The following RFC5 variants were observed in gnomAD, a reference collection of about 807,000 sequenced individuals.
RFC5 encodes A1 36 kDa subunit.
A neutral mutation model predicts 44.3 loss-of-function variants in RFC5; 26 were observed. That is an observed-to-expected ratio of 0.59 (90% CI 0.43 to 0.81). The LOEUF is 0.81. RFC5 is among the 40% of genes least tolerant of loss of function. The pLI, the probability that RFC5 is intolerant of heterozygous loss-of-function variation, is 0.00. For synonymous variants in RFC5, 155 were observed against 155.2 expected, an observed-to-expected ratio of 1.00 and a Z score of 0.01; for missense variants, 328 against 418.6, an observed-to-expected ratio of 0.78 and a Z score of 1.89.
chr12:118,034,114 A>C, downstream of RFC5: 1 of 1,552,072 alleles, frequency 6.4e-7, no homozygotes, highest in East Asian at 2.3e-5. Flanking sequence ...ATGCAAGACC[A>C]GATGTTTGGC....
Position 118,019,574 on chromosome 12 carries a change from G to A in RFC5, c.131-58G>A. On this transcript the variant is annotated intron_variant, in intron 2 of 10. Transcript: ENST00000454402. This position sits in a 1 kb window ranked among gnomAD's most constrained non-coding sequence, Gnocchi z 4.2. ...GCTTTCAGCCCAACTCAGGAGCCCA[G>A]GGTGAATGAGGCAGCTCCCAAAGAC... 1 of 1,605,254 alleles carries A rather than the reference G, an allele frequency of 6.2e-7. No homozygotes were observed. The highest frequency in any genetic ancestry group is 8.5e-7 in the Non-Finnish European group (1 of 1,174,002).
downstream of RFC5, chr12:118,035,850 C>G (rs2031497836): frequency 6.1e-6 from 1 of 163,616 alleles, no homozygotes; most frequent in African/African-American, 2.4e-5. Flanking sequence ...CCACCTGAAT[C>G]AGGAGACTGG....
At chr12:118,034,243 G>C (rs1329935548), downstream of RFC5, 94 of 1,614,094 alleles carry the variant, frequency 5.8e-5, no homozygotes, top group Non-Finnish European at 7.9e-5. Flanking sequence ...TTGGGGATTG[G>C]CAGTGCTAGG....
intron 4 of RFC5, among the ~76,000 whole-genome samples, chr12:118,021,228 T>A (rs148729220): frequency 6.6e-6 from 1 of 152,172 alleles, no homozygotes; most frequent in East Asian, 1.9e-4. Flanking sequence ...CTTTTTTTTT[T>A]GGAGACAGGG....
chr12:118,027,916 C>G (rs767545203), intron 8 of RFC5, 37 bp from the exon 9 acceptor site: 24 of 1,330,126 alleles, frequency 1.8e-5, no homozygotes, highest in Non-Finnish European at 3.3e-6. Context: ...TATGTTTGTT[C>G]TGGAACTTGT....
chr12:118,020,953 C>G lies in RFC5; in HGVS notation c.315C>G (p.Ile105Met), dbSNP rs34660755. ...GAATAGACATCATTCGAGGACCGAT[C>G]CTGAGCTTTGCTAGCACAAGGACAA... The part of the protein sequence containing the change: ...DRGIDIIRGP[I>M]LSFASTRTIF... The change falls in exon 4 of 11, where the codon ATC (isoleucine) becomes ATG (methionine). Residue 105 changes from isoleucine to methionine, a missense_variant. Transcript: ENST00000454402. The G allele has an allele frequency of 6.2e-7, 1 of 1,611,120 alleles. No homozygotes were observed. The highest frequency in any genetic ancestry group is 1.7e-5 in the Admixed American group (1 of 59,942).
At chr12:118,038,414 G>C in the RFC5 span, 2 of 1,607,454 alleles carry the variant, frequency 1.2e-6, no homozygotes, top group Non-Finnish European at 1.7e-6. Context: ...AGCAAACAAT[G>C]AGCCAGTCCT....
chr12:118,025,941 T>C, intron 7 of RFC5, 113 bp downstream of exon 7: 1 of 659,138 alleles, frequency 1.5e-6, no homozygotes, highest in Non-Finnish European at 2.7e-6. Context: ...CTCCGCCTCC[T>C]GGGTTCAAGC....
chr12:118,022,437 T>C lies in RFC5; in HGVS notation c.421+78T>C, dbSNP rs532222767. ...ATTAGGAACTTTGTGTTTGTTGCTGTTGTCATTGTTTTTTTAGGCGGGGGG... is the reference window on the plus strand; with the variant it reads ...ATTAGGAACTTTGTGTTTGTTGCTGCTGTCATTGTTTTTTTAGGCGGGGGG... On this transcript the variant is annotated intron_variant, in intron 5 of 10. Coordinates refer to ENST00000454402, the MANE Select transcript of RFC5 (RefSeq NM_007370.7). 9.9e-5 allele frequency: 101 copies of C among 1,019,436 alleles called. No homozygotes were observed. The South Asian group carries it at 1.4e-3, about 14-fold the overall frequency. The allele number at this position is 1,019,436 out of a possible 1,614,324, so 63.1% of individuals were successfully genotyped here.
chr12:118,037,109 T>G (rs1481416074), downstream of RFC5, among the ~76,000 whole-genome samples: 2 of 151,608 alleles, frequency 1.3e-5, no homozygotes, highest in Non-Finnish European at 2.9e-5. Context: ...TTGAGCCTGG[T>G]AGGTGGAGGT....
At chr12:118,037,405 G>A (rs1011882521), downstream of RFC5, among the ~76,000 whole-genome samples, 1 of 152,094 alleles carries the variant, frequency 6.6e-6, no homozygotes, top group Non-Finnish European at 1.5e-5. Flanking sequence ...GGTGGCTCAC[G>A]CCTGCAATCC....
intron 7 of RFC5, among the ~76,000 whole-genome samples, 185 bp from the exon 8 acceptor site, chr12:118,026,704 G>C (rs968515026): frequency 6.6e-6 from 1 of 152,224 alleles, no homozygotes; most frequent in Non-Finnish European, 1.5e-5. Context: ...TAGCCAACAG[G>C]CTGTGGCATC....
At chr12:118,017,973 C>G in intron 1 of RFC5, 1 of 695,394 alleles carries the variant, frequency 1.4e-6, no homozygotes. Context: ...GACAGTTACT[C>G]CCCATTCTCC....
intron 1 of RFC5, 145 bp downstream of exon 1, chr12:118,017,037 G>C: frequency 2.9e-6 from 2 of 691,300 alleles, no homozygotes; most frequent in Non-Finnish European, 5.1e-6. Flanking sequence ...ACCTGCAGAG[G>C]TTTCCCCCGA....
intron 8 of RFC5, 70 bp downstream of exon 8, chr12:118,027,088 CA>C (rs2030999765): frequency 6.7e-7 from 1 of 1,494,162 alleles, no homozygotes; most frequent in African/African-American, 1.4e-5. Flanking sequence ...TTGCAGCCAG[CA>C]CCCACACCTT....
downstream of RFC5, among the ~76,000 whole-genome samples, chr12:118,037,676 A>G (rs1250902894): frequency 6.6e-6 from 1 of 151,188 alleles, no homozygotes; most frequent in East Asian, 1.9e-4. Flanking sequence ...CTAAAAAAAA[A>G]AAAAAAGAAA....
chr12:118,025,999 C>T (rs563260998), intron 7 of RFC5, among the ~76,000 whole-genome samples, 171 bp downstream of exon 7: 20 of 151,948 alleles, frequency 1.3e-4, no homozygotes, highest in South Asian at 2.1e-4. Context: ...CCCGCCACCA[C>T]GCCCTACTAA....
intron 1 of RFC5, chr12:118,017,696 G>A: frequency 1.2e-6 from 1 of 812,658 alleles, no homozygotes; most frequent in Non-Finnish European, 1.7e-6. Flanking sequence ...TTAGAGACAG[G>A]GTCTCGCTCT....
chr12:118,028,044 T>TC lies in RFC5; in HGVS notation c.871+19dup. On this transcript the variant is annotated intron_variant, in intron 9 of 10. Transcript: ENST00000454402. ...TTGTGCATAGAGGTAACTTACATTA[T>TC]CCCCCAGCTGAGAAGCTGTGGAGAA... 1.9e-6 allele frequency: 3 copies of TC among 1,546,956 alleles called. No homozygotes were observed. The highest frequency in any genetic ancestry group is 1.7e-4 in the Middle Eastern group (1 of 5,980).
Sources: allele counts gnomAD v4.1 joint callset (sites outside exome capture counted in the v4.1 genomes callset), GRCh38; gene constraint gnomAD v4.1.1; non-coding constraint Gnocchi (gnomAD v3.1); transcripts MANE v1.5; gene names NCBI Gene and HGNC (gene_info 2026-07-23, HGNC 2026-07-21).